Variants in AFF1 observed in about 807,000 individuals in gnomAD.
AFF1 encodes the protein AF4/FMR2 family member 1.
AFF1 carries 48 observed loss-of-function variants against 121.7 expected under a neutral mutation model. That is an observed-to-expected ratio of 0.39 (90% CI 0.31 to 0.50). AFF1 has a LOEUF of 0.50. AFF1 is among the 20% of genes least tolerant of loss of function. The pLI, the probability that AFF1 is intolerant of heterozygous loss-of-function variation, is 0.76. For missense variants in AFF1, 1,523 were observed against 1,511.7 expected, an observed-to-expected ratio of 1.01 and a Z score of -0.12; for synonymous variants, 613 against 563.0, an observed-to-expected ratio of 1.09 and a Z score of -1.26.
intron 2 of AFF1, among the ~76,000 whole-genome samples, chr4:87,012,376 C>A (rs746236830): frequency 5.0e-4 from 76 of 152,190 alleles, no homozygotes; most frequent in Non-Finnish European, 9.0e-4. Context: ...AGTGGAAATA[C>A]AATATGCACC....
At chr4:87,037,487 A>G (rs1229368351) in intron 2 of AFF1, among the ~76,000 whole-genome samples, 3 of 152,010 alleles carry the variant, frequency 2.0e-5, no homozygotes, top group Admixed American at 6.6e-5. Flanking sequence ...AATGTTTTGT[A>G]TTTTTAGTGG....
Position 87,134,683 on chromosome 4 carries a change from G to A in AFF1, c.3524G>A (p.Arg1175Lys). The A allele has an allele frequency of 1.2e-6, 2 of 1,613,014 alleles. No individual in the cohort carries two copies. The highest frequency in any genetic ancestry group is 1.7e-6 in the Non-Finnish European group (2 of 1,179,324). Reference protein sequence around the residue: ...DLWEQAEALTRKNKEFFARLS... With the variant: ...DLWEQAEALTKKNKEFFARLS... ...TGGGAACAGGCCGAGGCCCTCACGA[G>A]GAAGAATAAAGGTAAATAAATGGCT... is the stretch of plus-strand genomic sequence containing the variant. The change falls in exon 20 of 21, where the codon AGG becomes AAG. Residue 1175 changes from arginine (R) to lysine (K), a missense_variant. Coordinates refer to ENST00000395146, the MANE Select transcript of AFF1 (RefSeq NM_001166693.3).
chr4:87,077,260 C>G (rs1225429709), intron 4 of AFF1, among the ~76,000 whole-genome samples: 6 of 151,366 alleles, frequency 4.0e-5, no homozygotes, highest in Non-Finnish European at 1.5e-5. Flanking sequence ...AACTCGAGTT[C>G]CATTAGGGAA....
intron 7 of AFF1, among the ~76,000 whole-genome samples, chr4:87,093,996 T>G (rs538224905): frequency 6.6e-6 from 1 of 152,318 alleles, no homozygotes; most frequent in Admixed American, 6.5e-5. Context: ...ATCATTGATG[T>G]GTCTCATAGC....
At chr4:87,060,853 A>C (rs13123661) in intron 4 of AFF1, among the ~76,000 whole-genome samples, 1 of 48,744 alleles carries the variant, frequency 2.1e-5, no homozygotes, top group African/African-American at 1.3e-4. Context: ...AAAAAAAAAA[A>C]AAAAAAAAAA....
chr4:86,991,510 C>T (rs956163966), intron 2 of AFF1, among the ~76,000 whole-genome samples: 3 of 151,454 alleles, frequency 2.0e-5, no homozygotes, highest in Admixed American at 6.6e-5. Flanking sequence ...TATTTGTTTA[C>T]AAAAGAGAAA....
Position 87,047,120 on chromosome 4 carries a change from G to A in AFF1, c.585G>A (p.Ser195=), listed in dbSNP as rs780329770. ...DRRADGDHCA[S]VTDSAPEREL... is the part of the protein sequence containing the mutation. ...GAGCTGACGGAGACCACTGTGCTTC[G>A]GTGACAGATTCGGCTCCAGAGAGGG... Residue 195 remains serine, a synonymous_variant, in exon 4 of 21, where the codon TCG becomes TCA. Transcript: ENST00000395146. 12 of 1,614,042 alleles carry A rather than the reference G, an allele frequency of 7.4e-6. No individual in the cohort carries two copies. The highest frequency in any genetic ancestry group is 1.6e-4 in the Middle Eastern group (1 of 6,082).
rs1560629992 is a variant in AFF1, at chr4:87,105,887, A to G, written c.1376+42A>G. 5 of 1,605,294 alleles carry G rather than the reference A, an allele frequency of 3.1e-6. No homozygotes were observed. In the African/African-American group the frequency reaches 4.0e-5, roughly 13 times the overall value. ...TCCCCATCTGTACAGAATGTTTGCAATTTTTTACCAAATGGGAAAAATAAA... is the reference window on the plus strand; with the variant it reads ...TCCCCATCTGTACAGAATGTTTGCAGTTTTTTACCAAATGGGAAAAATAAA... On this transcript the variant is annotated intron_variant, in intron 10 of 20. Transcript: ENST00000395146.
At chr4:87,099,699 G>A (rs1018560511) in intron 8 of AFF1, among the ~76,000 whole-genome samples, 5 of 152,308 alleles carry the variant, frequency 3.3e-5, no homozygotes, top group South Asian at 2.1e-4. Context: ...GTGAGCCACT[G>A]TGCCCGGCCC....
chr4:86,985,259 CCAGCA>C (rs1184760661), intron 2 of AFF1, among the ~76,000 whole-genome samples: 5 of 139,150 alleles, frequency 3.6e-5, no homozygotes, highest in Non-Finnish European at 7.6e-5. Flanking sequence ...GCCTGTAATC[CCAGCA>C]CTTTGGGAGG....
At chr4:87,030,134 T>TAA (rs60463283) in intron 2 of AFF1, among the ~76,000 whole-genome samples, 36 of 146,144 alleles carry the variant, frequency 2.5e-4, no homozygotes, top group African/African-American at 8.6e-4. Flanking sequence ...TAAATGAACT[T>TAA]AAAAAAAAAA....
At chr4:87,117,732 CG>C (rs1231148354) in intron 12 of AFF1, among the ~76,000 whole-genome samples, 1 of 152,150 alleles carries the variant, frequency 6.6e-6, no homozygotes, top group African/African-American at 2.4e-5. Flanking sequence ...ACCAGTCAAC[CG>C]TATTCTTATT....
At position 87,115,625 on chromosome 4, in the gene AFF1, T is replaced by TTTC. The variant is rs397994396; in HGVS notation, c.2466+326_2466+327insTTC. On this transcript the variant is annotated intron_variant, in intron 12 of 20. Coordinates refer to ENST00000395146, the MANE Select transcript of AFF1 (RefSeq NM_001166693.3). ...AACCCACCTCTTTTTTTTTTTTTTTTCCAAAGACAGGCCCTTGCTCTGTTG... is the reference window on the plus strand; with the variant it reads ...AACCCACCTCTTTTTTTTTTTTTTTTTTCCCAAAGACAGGCCCTTGCTCTGTTG... Among the ~76,000 whole-genome samples the TTTC allele has an allele frequency of 5.8e-4, 60 of 103,034 alleles. 2 individuals carry two copies. Among genetic ancestry groups the TTTC allele is most frequent in the East Asian group, 7.3e-4 (2 of 2,758 alleles). 67.6% of individuals were successfully genotyped at this position (103,034 alleles called of 152,430 possible).
rs1369675242 is a variant in AFF1 at position 86,938,463 on chromosome 4, AAAAAG to A, written c.-37+3229_-37+3233del. 3.0e-4 allele frequency among the ~76,000 whole-genome samples: 46 copies of A among 151,796 alleles called. 1 individual carries two copies. The highest frequency in any genetic ancestry group is 2.0e-4 in the Admixed American group (3 of 15,236). ...AGACTCCGTCTCAAAAAAAAAAAAA[AAAAAG>A]AAAAGGAAAAAAGTAAGTGTATTTA... On this transcript the variant is annotated intron_variant, in intron 1 of 20. Coordinates refer to ENST00000395146, the MANE Select transcript of AFF1 (RefSeq NM_001166693.3).
intron 4 of AFF1, among the ~76,000 whole-genome samples, chr4:87,062,976 T>G: frequency 6.6e-6 from 1 of 152,194 alleles, no homozygotes; most frequent in Non-Finnish European, 1.5e-5. Context: ...GGTTTGAATC[T>G]TGTTTTTACC....
chr4:86,948,140 G>A (rs1052278678), intron 1 of AFF1, among the ~76,000 whole-genome samples: 21 of 151,874 alleles, frequency 1.4e-4, no homozygotes, highest in African/African-American at 5.1e-4. Flanking sequence ...TTATTGTAAT[G>A]TATTAATGAA....
intron 8 of AFF1, among the ~76,000 whole-genome samples, chr4:87,095,845 T>G (rs190541264): frequency 3.3e-5 from 5 of 152,248 alleles, no homozygotes; most frequent in Admixed American, 6.5e-5. Context: ...TCATAGGGAC[T>G]AAGTGAGGAG....
At position 86,945,346 on chromosome 4, in the gene AFF1, G is replaced by A. The variant is rs112988806; in HGVS notation, c.-36-3152G>A. ...TTTTTTTTTTTTTTTTTTTTTTGAG[G>A]CAGGGCCTTGTTTTTTCACACAGGC... On this transcript the variant is annotated intron_variant, in intron 1 of 20. Coordinates refer to ENST00000395146, the MANE Select transcript of AFF1 (RefSeq NM_001166693.3). Among the ~76,000 whole-genome samples the A allele has an allele frequency of 1.1e-3, 149 of 133,308 alleles. 1 individual carries two copies. The highest frequency in any genetic ancestry group is 4.1e-3 in the African/African-American group (141 of 34,680). The allele number at this position is 133,308 out of a possible 152,430, so 87.5% of individuals were successfully genotyped here.
intron 4 of AFF1, among the ~76,000 whole-genome samples, chr4:87,056,507 A>G (rs546126790): frequency 2.0e-5 from 3 of 152,246 alleles, no homozygotes; most frequent in Non-Finnish European, 4.4e-5. Flanking sequence ...TGGTATAATT[A>G]GAATGTATGT....
Sources: allele counts gnomAD v4.1 joint callset (sites outside exome capture counted in the v4.1 genomes callset), GRCh38; gene constraint gnomAD v4.1.1; transcripts MANE v1.5; gene names NCBI Gene and HGNC (gene_info 2026-07-23, HGNC 2026-07-21).